Variants in PTPRZ1 observed in about 807,000 individuals in gnomAD.
PTPRZ1 encodes receptor-type tyrosine-protein phosphatase zeta.
In PTPRZ1, 82 loss-of-function variants were observed where a neutral mutation model predicts 214.1. The observed-to-expected ratio is 0.38, with a 90% CI of 0.32 to 0.46. The LOEUF is 0.46. Among genes scored for constraint, PTPRZ1 ranks in the 20% least tolerant of loss-of-function variants. PTPRZ1 has a pLI of 1.00. For synonymous variants in PTPRZ1, 945 were observed against 987.9 expected (o/e 0.96, Z 0.81); for missense variants, 2,603 against 2,748.7 (o/e 0.95, Z 1.19).
Position 122,011,010 on chromosome 7 carries a change from C to T in PTPRZ1, c.1964C>T (p.Pro655Leu). 1 of 1,614,096 alleles carries T rather than the reference C, an allele frequency of 6.2e-7. No individual in the cohort carries two copies. The highest frequency in any genetic ancestry group is 1.6e-4 in the Middle Eastern group (1 of 6,062). ...TCTATGGAGGGAAATGTGTGGTTTC[C>T]TAGCTCTACAGACATAACAGCACAG... is the stretch of plus-strand genomic sequence containing the variant. ...DPSMEGNVWF[P>L]SSTDITAQPD... The change falls in exon 12 of 30, where the codon CCT becomes CTT. Residue 655 changes from proline (P) to leucine (L), a missense_variant. Transcript: ENST00000393386.
intron 21 of PTPRZ1, among the ~76,000 whole-genome samples, chr7:122,041,515 T>C (rs1799733736): frequency 6.6e-6 from 1 of 152,250 alleles, no homozygotes; most frequent in Admixed American, 6.5e-5. Flanking sequence ...GAATGTATTG[T>C]CAATTCATTG....
chr7:122,017,399 G>C (rs1798873433), intron 12 of PTPRZ1, among the ~76,000 whole-genome samples: 1 of 151,952 alleles, frequency 6.6e-6, no homozygotes, highest in South Asian at 2.1e-4. Flanking sequence ...AGTTGGCTTA[G>C]AACATTTTCA....
chr7:122,011,554 TAC>T lies in PTPRZ1; in HGVS notation c.2510_2511del (p.Thr837SerfsTer15). ...GTAGTGAATTGTTTCGCCATCTGCA[TAC>T]AGTTTCTCAAATCCTTCCACAAGTT... ...FSSELFRHLHTVSQILPQVTS... is the reference protein window; with the variant it reads ...FSSELFRHLHXVSQILPQVTS... On this transcript the variant is annotated frameshift_variant, in exon 12 of 30. Coordinates refer to ENST00000393386, the MANE Select transcript of PTPRZ1 (RefSeq NM_002851.3). LOFTEE classifies it high-confidence loss of function. The T allele has an allele frequency of 6.2e-7, 1 of 1,614,172 alleles. No individual in the cohort carries two copies. The highest frequency in any genetic ancestry group is 8.5e-7 in the Non-Finnish European group (1 of 1,180,026).
intron 6 of PTPRZ1, among the ~76,000 whole-genome samples, chr7:121,979,745 G>C (rs544730906): frequency 1.3e-5 from 2 of 152,290 alleles, no homozygotes; most frequent in East Asian, 3.9e-4. Flanking sequence ...AGCAGCACTG[G>C]CTCTGCTGTG....
At chr7:122,034,068 C>CT (rs1231783747) in intron 15 of PTPRZ1, 27 bp from the exon 16 acceptor site, 2 of 1,571,664 alleles carry the variant, frequency 1.3e-6, no homozygotes, top group African/African-American at 2.7e-5. Context: ...GATTTCTTTA[C>CT]TTTTTTGGCA....
chr7:122,059,758 G>A lies in PTPRZ1; in HGVS notation c.6677G>A (p.Gly2226Glu). 2 of 1,609,018 alleles carry A rather than the reference G, an allele frequency of 1.2e-6. No individual in the cohort carries two copies. Among genetic ancestry groups the A allele is most frequent in the Non-Finnish European group, 8.5e-7 (1 of 1,178,376 alleles). The change falls in exon 29 of 30, where the codon GGA becomes GAA. Residue 2226 changes from glycine (G) to glutamate (E), a missense_variant. Transcript: ENST00000393386. The stretch of plus-strand genomic sequence containing the variant: ...TTCTTTTTTTTTTTTACAAGGCATG[G>A]AGGAGTGACGGCAGGAACTTTCTGT... Reference protein sequence around the residue: ...DGPMIVHDEHGGVTAGTFCAL... With the variant: ...DGPMIVHDEHEGVTAGTFCAL...
chr7:121,880,809 G>C (rs1307673942), intron 1 of PTPRZ1, among the ~76,000 whole-genome samples: 1 of 152,026 alleles, frequency 6.6e-6, no homozygotes, highest in East Asian at 1.9e-4. Context: ...TCTTGAATAG[G>C]ATATGTCAAG....
At chr7:121,936,870 GAA>G (rs1796100007) in intron 2 of PTPRZ1, among the ~76,000 whole-genome samples, 1 of 152,188 alleles carries the variant, frequency 6.6e-6, no homozygotes. Context: ...AGGAGCTTGT[GAA>G]ATTACAGTGG....
At chr7:121,911,615 C>T (rs2116310406) in intron 1 of PTPRZ1, among the ~76,000 whole-genome samples, 1 of 152,156 alleles carries the variant, frequency 6.6e-6, no homozygotes, top group Non-Finnish European at 1.5e-5. Flanking sequence ...TTCTCTTATC[C>T]TTTCCTTATC....
chr7:121,885,630 A>G (rs1262713065), intron 1 of PTPRZ1, among the ~76,000 whole-genome samples: 2 of 152,214 alleles, frequency 1.3e-5, no homozygotes, highest in African/African-American at 4.8e-5. Flanking sequence ...GAAATCAAGA[A>G]AACACAAGAT....
intron 26 of PTPRZ1, among the ~76,000 whole-genome samples, chr7:122,054,625 G>T (rs1194784111): frequency 1.3e-5 from 2 of 151,960 alleles, no homozygotes; most frequent in Non-Finnish European, 2.9e-5. Context: ...TACACATGAG[G>T]CTGGAAATTT....
chr7:122,030,709 C>T (rs1799345164), intron 14 of PTPRZ1, among the ~76,000 whole-genome samples: 1 of 151,670 alleles, frequency 6.6e-6, no homozygotes, highest in East Asian at 1.9e-4. Flanking sequence ...TTGATGTTTC[C>T]TTGTCAGAGA....
intron 1 of PTPRZ1, among the ~76,000 whole-genome samples, chr7:121,895,513 G>C (rs1223694254): frequency 6.6e-6 from 1 of 152,114 alleles, no homozygotes; most frequent in East Asian, 1.9e-4. Context: ...ATATTTTAAA[G>C]GAAATGTGAA....
intron 13 of PTPRZ1, among the ~76,000 whole-genome samples, chr7:122,023,512 T>TA (rs1799089671): frequency 8.4e-6 from 1 of 118,886 alleles, no homozygotes; most frequent in African/African-American, 3.8e-5. Context: ...TATGTATAAT[T>TA]TTATATATAA....
intron 1 of PTPRZ1, among the ~76,000 whole-genome samples, chr7:121,877,459 T>A (rs184419396): frequency 6.6e-5 from 10 of 152,310 alleles, no homozygotes; most frequent in Admixed American, 5.2e-4. Flanking sequence ...TATCCTTTTT[T>A]GAAAATTAAG....
intron 1 of PTPRZ1, among the ~76,000 whole-genome samples, chr7:121,905,925 A>T (rs761221102): frequency 3.3e-5 from 5 of 152,178 alleles, no homozygotes; most frequent in Non-Finnish European, 2.9e-5. Context: ...GGCACTGATG[A>T]TAGTGAGTAC....
chr7:121,914,944 C>T (rs901570724), intron 1 of PTPRZ1, among the ~76,000 whole-genome samples: 2 of 152,162 alleles, frequency 1.3e-5, no homozygotes, highest in South Asian at 4.2e-4. Context: ...CTAAGTTTCC[C>T]GTAAGTAATT....
In PTPRZ1 at chr7:122,040,729, CGTGTGTGTGTGTGTGTGTGTGTGTGTGT is replaced by C. The variant is rs3993671; in HGVS notation, c.5638-60_5638-33del. Reference sequence around the variant, plus strand: ...GATTCCTGACTTGCTGTTGAAGAACCGTGTGTGTGTGTGTGTGTGTGTGTGTGTGTGTGTGTGTGTGTGTGTGTGTGTG... The same window carrying C: ...GATTCCTGACTTGCTGTTGAAGAACCGTGTGTGTGTGTGTGTGTGTGTGTG... On this transcript the variant is annotated intron_variant, in intron 20 of 29. Transcript: ENST00000393386. 8.0e-5 allele frequency: 39 copies of C among 489,436 alleles called. 1 individual carries two copies. The Middle Eastern group carries it at 2.9e-3, about 36-fold the overall frequency. The allele number at this position is 489,436 out of a possible 1,614,324, so 30.3% of individuals were successfully genotyped here.
At chr7:121,880,960 A>G (rs953784879) in intron 1 of PTPRZ1, among the ~76,000 whole-genome samples, 3 of 152,148 alleles carry the variant, frequency 2.0e-5, no homozygotes, top group Non-Finnish European at 4.4e-5. Flanking sequence ...CCATTTATCT[A>G]GGTTGATAAT....
Sources: allele counts gnomAD v4.1 joint callset (sites outside exome capture counted in the v4.1 genomes callset), GRCh38; gene constraint gnomAD v4.1.1; transcripts MANE v1.5; gene names NCBI Gene and HGNC (gene_info 2026-07-23, HGNC 2026-07-21).